PPP1R16A: variants seen among roughly 807,000 people sequenced by gnomAD.
PPP1R16A encodes myosin phosphatase-targeting subunit 3.
PPP1R16A carries 39 observed loss-of-function variants against 46.6 expected under a neutral mutation model. The observed-to-expected ratio is 0.84, with a 90% CI of 0.65 to 1.09. The LOEUF (loss-of-function observed/expected upper bound fraction) is 1.09, where lower values mean the gene tolerates loss of function less well. PPP1R16A is among the 50% of genes least tolerant of loss of function. The pLI is 0.00. For synonymous variants in PPP1R16A, 413 were observed against 321.5 expected, an observed-to-expected ratio of 1.28 and a Z score of -3.04; for missense variants, 798 against 735.6, an observed-to-expected ratio of 1.08 and a Z score of -0.98.
At chr8:144,490,431 G>A (rs1476221017) in intron 2 of PPP1R16A, among the ~76,000 whole-genome samples, 6 of 152,120 alleles carry the variant, frequency 3.9e-5, no homozygotes, top group Admixed American at 2.6e-4. Flanking sequence ...ACTTGAACCT[G>A]GGAGGTGGAG....
chr8:144,492,650 GGAGGTGCACCTTACT>G, intron 2 of PPP1R16A, among the ~76,000 whole-genome samples: 1 of 151,534 alleles, frequency 6.6e-6, no homozygotes, highest in Non-Finnish European at 1.5e-5. Context: ...TTTTAAGTTT[GGAGGTGCACCTTACT>G]GAGGTGCACC....
chr8:144,480,346 ACT>A (rs757408862), intron 1 of PPP1R16A, among the ~76,000 whole-genome samples: 1 of 151,928 alleles, frequency 6.6e-6, no homozygotes, highest in Non-Finnish European at 1.5e-5. Context: ...ATGGAGTCTC[ACT>A]CTGTCGCCCA....
intron 1 of PPP1R16A, among the ~76,000 whole-genome samples, chr8:144,488,216 G>A (rs1825685527): frequency 1.3e-5 from 2 of 151,934 alleles, no homozygotes; most frequent in South Asian, 2.1e-4. Context: ...AAAAGGCAAG[G>A]GAAGCTCTTT....
chr8:144,490,338 A>C (rs1825764806), intron 2 of PPP1R16A, 126 bp downstream of exon 2: 1 of 152,206 alleles, frequency 6.6e-6, no homozygotes, highest in Non-Finnish European at 1.5e-5. Flanking sequence ...GAAACCCCGT[A>C]TCTACTAAAG....
chr8:144,500,316 C>CATG lies in PPP1R16A; in HGVS notation c.631_633dup (p.Met211dup). On this transcript the variant is annotated inframe_insertion, in exon 7 of 12. Coordinates refer to ENST00000435887, the MANE Select transcript of PPP1R16A (RefSeq NM_001329443.2). The stretch of plus-strand genomic sequence containing the variant: ...CCGCCCGGGCCGTGCCAGAACTGCG[C>CATG]ATGCTGGACGACATCCGGAGCCGGC... 1 of 1,541,134 alleles carries CATG rather than the reference C, an allele frequency of 6.5e-7. No individual in the cohort carries two copies. Among genetic ancestry groups the CATG allele is most frequent in the Non-Finnish European group, 8.7e-7 (1 of 1,146,744 alleles).
chr8:144,502,028 C>A lies in PPP1R16A; in HGVS notation c.*125C>A. The A allele has an allele frequency of 1.0e-6, 1 of 959,766 alleles. No individual in the cohort carries two copies. The highest frequency in any genetic ancestry group is 1.5e-6 in the Non-Finnish European group (1 of 671,178). 59.5% of individuals were successfully genotyped at this position (959,766 alleles called of 1,614,324 possible). On this transcript the variant is annotated 3_prime_UTR_variant, in exon 12 of 12. Transcript: ENST00000435887. ...GGCTTCTACTGTACAGGACACTGGC[C>A]CCTCTCAGGTCAGAAGACATGCCTG... is the stretch of plus-strand genomic sequence containing the variant.
Position 144,500,682 on chromosome 8 carries a change from A to G in PPP1R16A, c.832-4A>G, listed in dbSNP as rs1169711138. ...AGTCTGCAGCTCCGGCCTGCCGTCC[A>G]CAGGTGCCCCTGGTGGAGCTGCTCG... is the stretch of plus-strand genomic sequence containing the variant. On this transcript the variant is annotated splice_region_variant and splice_polypyrimidine_tract_variant and intron_variant, in intron 8 of 11. Transcript: ENST00000435887. The G allele has an allele frequency of 1.4e-5, 23 of 1,610,182 alleles. No individual in the cohort carries two copies. The highest frequency in any genetic ancestry group is 1.9e-5 in the Non-Finnish European group (23 of 1,179,550).
chr8:144,482,754 T>C (rs1025590228), intron 1 of PPP1R16A, among the ~76,000 whole-genome samples: 1 of 151,598 alleles, frequency 6.6e-6, no homozygotes, highest in Non-Finnish European at 1.5e-5. Flanking sequence ...GTTCAAGCGA[T>C]TCTCCTGCCT....
chr8:144,500,020 G>C, intron 5 of PPP1R16A, 76 bp from the exon 6 acceptor site: 1 of 1,474,642 alleles, frequency 6.8e-7, no homozygotes, highest in African/African-American at 1.4e-5. Flanking sequence ...GGGCCCTGGC[G>C]GGGACTTCTC....
intron 2 of PPP1R16A, among the ~76,000 whole-genome samples, chr8:144,490,595 C>G (rs561247929): frequency 6.6e-6 from 1 of 152,066 alleles, no homozygotes; most frequent in Non-Finnish European, 1.5e-5. Context: ...TCCCATCCAG[C>G]CTTCCAAATG....
Position 144,501,506 on chromosome 8 carries a change from T to C in PPP1R16A, c.1204-14T>C. On this transcript the variant is annotated splice_polypyrimidine_tract_variant and intron_variant, in intron 11 of 11. Coordinates refer to ENST00000435887, the MANE Select transcript of PPP1R16A (RefSeq NM_001329443.2). ...GGAGCCTCCTGATGGCTCTGGGACCTTCACTGCCCGCAGGAGGACAACCCC... is the reference window on the plus strand; with the variant it reads ...GGAGCCTCCTGATGGCTCTGGGACCCTCACTGCCCGCAGGAGGACAACCCC... The C allele has an allele frequency of 6.5e-7, 1 of 1,527,746 alleles. No individual in the cohort carries two copies. Among genetic ancestry groups the C allele is most frequent in the Non-Finnish European group, 8.8e-7 (1 of 1,135,504 alleles). The allele number at this position is 1,527,746 out of a possible 1,614,324, so 94.6% of individuals were successfully genotyped here.
chr8:144,499,473 T>A (rs918905674), intron 5 of PPP1R16A: 2 of 205,006 alleles, frequency 9.8e-6, no homozygotes, highest in African/African-American at 4.6e-5. Context: ...GGGGGAACTC[T>A]GAGCAGGGAG....
chr8:144,501,474 G>C (rs371202011), intron 11 of PPP1R16A, 46 bp from the exon 12 acceptor site: 36 of 1,490,190 alleles, frequency 2.4e-5, no homozygotes, highest in African/African-American at 2.8e-5. Context: ...AGGCCAGGGA[G>C]GGGGGAGGAG....
At chr8:144,481,626 A>G (rs908742641) in intron 1 of PPP1R16A, among the ~76,000 whole-genome samples, 2 of 152,106 alleles carry the variant, frequency 1.3e-5, no homozygotes, top group African/African-American at 4.8e-5. Flanking sequence ...CCTGGGCAAA[A>G]AGAGCGAAAC....
Position 144,496,765 on chromosome 8 carries a change from T to A in PPP1R16A, c.-430T>A, listed in dbSNP as rs1227024754. 1 of 255,272 alleles carries A rather than the reference T, an allele frequency of 3.9e-6. No homozygotes were observed. The highest frequency in any genetic ancestry group is 7.8e-6 in the Non-Finnish European group (1 of 128,410). The allele number at this position is 255,272 out of a possible 1,614,324, so 15.8% of individuals were successfully genotyped here. On this transcript the variant is annotated 5_prime_UTR_variant, in exon 3 of 12. Coordinates refer to ENST00000435887, the MANE Select transcript of PPP1R16A (RefSeq NM_001329443.2). ...CTCAGGGGCTCACAGGGGCTCTCAC[T>A]GCTGGTTGGCCCTGCCCTCCCTTCC...
At chr8:144,478,220 GC>G in intron 1 of PPP1R16A, 93 bp downstream of exon 1, 1 of 388,268 alleles carries the variant, frequency 2.6e-6, no homozygotes, top group Admixed American at 4.5e-5. Context: ...GGAAGGAGGG[GC>G]ACTGGGTCGA....
intron 1 of PPP1R16A, 69 bp from the exon 2 acceptor site, chr8:144,489,965 G>A (rs1031281034): frequency 6.6e-6 from 1 of 152,336 alleles, no homozygotes; most frequent in South Asian, 2.1e-4. Flanking sequence ...ACTGAGCTGT[G>A]CCTGCCTTGC....
rs577299311 is a variant in PPP1R16A at position 144,501,931 on chromosome 8, G to T, written c.*28G>T. The T allele has an allele frequency of 2.7e-6, 4 of 1,489,076 alleles. No individual in the cohort carries two copies. Among genetic ancestry groups the T allele is most frequent in the Non-Finnish European group, 3.6e-6 (4 of 1,120,842 alleles). 92.2% of individuals were successfully genotyped at this position (1,489,076 alleles called of 1,614,324 possible). A position where few individuals can be genotyped will look rare whatever the true frequency, so the allele number is the denominator to read the frequency against. ...CTGTTGCTCAGCATGCAGGGGCCCT[G>T]TCGCGGGCACAGCCCAAGGCTGCCT... is the stretch of plus-strand genomic sequence containing the variant. On this transcript the variant is annotated 3_prime_UTR_variant, in exon 12 of 12. Transcript: ENST00000435887.
intron 1 of PPP1R16A, among the ~76,000 whole-genome samples, chr8:144,485,621 C>T (rs920493393): frequency 1.5e-4 from 23 of 152,252 alleles, no homozygotes; most frequent in Admixed American, 9.2e-4. Context: ...CATGTGGTAA[C>T]GTTGCACCTG....
Sources: gnomAD v4.1 joint callset for allele counts (sites outside exome capture counted in the v4.1 genomes callset) on GRCh38, gnomAD v4.1.1 for gene constraint, MANE v1.5 for transcripts, NCBI Gene and HGNC (gene_info 2026-07-23, HGNC 2026-07-21) for gene names.